Variants in NLGN4X observed in about 807,000 individuals in gnomAD.
The protein encoded by NLGN4X is neuroligin-4, X-linked.
A neutral mutation model predicts 40.3 loss-of-function variants in NLGN4X; 3 were observed. That is an observed-to-expected ratio of 0.07 (90% CI 0.03 to 0.19). The LOEUF is 0.19. Ranked by LOEUF, NLGN4X falls within the 10% of genes least tolerant of loss-of-function variation. The probability of loss-of-function intolerance (pLI) is 1.00; values close to 1 mark genes in which losing one functional copy is unlikely to be tolerated. For synonymous variants in NLGN4X, 270 were observed against 306.8 expected (o/e 0.88, Z 1.25); for missense variants, 382 against 708.3 (o/e 0.54, Z 5.23).
intron 3 of NLGN4X, among the ~76,000 whole-genome samples, chrX:5,952,307 C>T (rs1014880817): frequency 3.6e-5 from 4 of 111,902 alleles, no homozygotes; most frequent in African/African-American, 9.7e-5. Flanking sequence ...TATTTCCAAA[C>T]GGGATAAACA....
intron 5 of NLGN4X, among the ~76,000 whole-genome samples, chrX:5,901,364 T>C (rs1204522153): frequency 8.9e-6 from 1 of 111,941 alleles, no homozygotes; most frequent in Non-Finnish European, 1.9e-5. Flanking sequence ...CAGGCACATC[T>C]TTCTCTCTCA....
chrX:6,222,390 GC>G (rs1318691016), intron 1 of NLGN4X, among the ~76,000 whole-genome samples: 1 of 111,427 alleles, frequency 9.0e-6, no homozygotes, highest in East Asian at 2.8e-4. Flanking sequence ...CCTGTTGTAA[GC>G]CAAAAATAGC....
chrX:6,135,052 C>T (rs2039782192), intron 2 of NLGN4X, among the ~76,000 whole-genome samples: 1 of 112,372 alleles, frequency 8.9e-6, no homozygotes, highest in African/African-American at 3.2e-5. Flanking sequence ...TCAGTTAGAA[C>T]TCTTAAAAGA....
chrX:6,116,382 C>CCTTT (rs1569246584), intron 2 of NLGN4X, among the ~76,000 whole-genome samples: 64 of 75,315 alleles, frequency 8.5e-4, no homozygotes, highest in South Asian at 1.5e-3. Flanking sequence ...AGGTATTGAA[C>CCTTT]CTTTCTTTCT....
intron 2 of NLGN4X, among the ~76,000 whole-genome samples, chrX:6,074,999 TA>T (rs1160700406): frequency 5.4e-5 from 6 of 111,268 alleles, no homozygotes; most frequent in Non-Finnish European, 1.1e-4. Flanking sequence ...GAAAGATGAC[TA>T]GGGAAAAAAG....
intron 2 of NLGN4X, among the ~76,000 whole-genome samples, chrX:6,080,456 G>A (rs928707167): frequency 7.2e-5 from 8 of 111,557 alleles, no homozygotes; most frequent in Non-Finnish European, 7.5e-5. Context: ...AGAGTTTGGG[G>A]GTCCCCTGGG....
chrX:6,011,523 A>G (rs1048302266), intron 3 of NLGN4X, among the ~76,000 whole-genome samples: 1 of 110,965 alleles, frequency 9.0e-6, no homozygotes, highest in African/African-American at 3.3e-5. Flanking sequence ...TGGAGATGCA[A>G]TAAGATGATA....
At position 5,925,156 on chromosome X, in the gene NLGN4X, C is replaced by G. The variant is rs2033223622; in HGVS notation, c.626-15917G>C. On this transcript the variant is annotated intron_variant, in intron 3 of 5. Coordinates refer to ENST00000381095, the MANE Select transcript of NLGN4X (RefSeq NM_181332.3). ...TTGGTGAAAATATATTCTTTCTACA[C>G]TCATCAACCACACTAAACACTTAGT... Among the ~76,000 whole-genome samples the G allele has an allele frequency of 2.7e-5, 3 of 111,912 alleles. No homozygotes were observed. In the South Asian group the frequency reaches 1.1e-3, roughly 42 times the overall value.
At chrX:6,141,071 T>C (rs2039939189) in intron 2 of NLGN4X, among the ~76,000 whole-genome samples, 1 of 111,805 alleles carries the variant, frequency 8.9e-6, no homozygotes, top group African/African-American at 3.2e-5. Context: ...AGCTCTGATT[T>C]ATTTACTGAG....
At chrX:6,050,223 T>C (rs2037447006) in intron 2 of NLGN4X, among the ~76,000 whole-genome samples, 2 of 111,842 alleles carry the variant, frequency 1.8e-5, no homozygotes, top group South Asian at 7.5e-4. Context: ...ATTCCTGCTG[T>C]GAAAATGTTA....
intron 2 of NLGN4X, among the ~76,000 whole-genome samples, chrX:6,056,011 T>C (rs1416153711): frequency 2.7e-5 from 3 of 112,509 alleles, no homozygotes; most frequent in African/African-American, 9.7e-5. Flanking sequence ...ATATCATGCA[T>C]GAATGATACA....
intron 1 of NLGN4X, among the ~76,000 whole-genome samples, chrX:6,174,863 T>C (rs1363686674): frequency 1.8e-5 from 2 of 110,949 alleles, no homozygotes; most frequent in Non-Finnish European, 3.8e-5. Context: ...TTGGGATCAA[T>C]TGTACCCTAT....
chrX:5,960,074 T>C (rs1490665016), intron 3 of NLGN4X, among the ~76,000 whole-genome samples: 1 of 111,568 alleles, frequency 9.0e-6, no homozygotes, highest in Non-Finnish European at 1.9e-5. Flanking sequence ...AAGAGGGTTT[T>C]ACACTGCAGT....
intron 1 of NLGN4X, among the ~76,000 whole-genome samples, chrX:6,214,148 C>A (rs1179320042): frequency 8.9e-6 from 1 of 111,847 alleles, no homozygotes; most frequent in Non-Finnish European, 1.9e-5. Context: ...AAAACAGTTA[C>A]CCCAAAATAT....
intron 3 of NLGN4X, among the ~76,000 whole-genome samples, chrX:5,936,818 T>A (rs917005190): frequency 8.9e-6 from 1 of 112,114 alleles, no homozygotes; most frequent in Non-Finnish European, 1.9e-5. Flanking sequence ...ATTTGTTAAA[T>A]CACGAGTGGC....
At chrX:6,204,773 A>G (rs776756597) in intron 1 of NLGN4X, among the ~76,000 whole-genome samples, 106 of 111,857 alleles carry the variant, frequency 9.5e-4, no homozygotes, top group Non-Finnish European at 1.9e-3. Flanking sequence ...GGACACTCTG[A>G]TGCTTATGTT....
intron 3 of NLGN4X, among the ~76,000 whole-genome samples, chrX:5,979,385 A>G (rs1203747423): frequency 9.0e-6 from 1 of 110,535 alleles, no homozygotes; most frequent in Non-Finnish European, 1.9e-5. Context: ...GCTGAACCAC[A>G]TGGTACTTGT....
intron 2 of NLGN4X, among the ~76,000 whole-genome samples, chrX:6,129,325 C>T (rs928195380): frequency 1.8e-5 from 2 of 111,570 alleles, no homozygotes. Flanking sequence ...GTACTACTAG[C>T]CATGCACAGA....
intron 2 of NLGN4X, among the ~76,000 whole-genome samples, chrX:6,037,338 A>T (rs374472494): frequency 1.5e-4 from 17 of 110,743 alleles, no homozygotes; most frequent in African/African-American, 5.2e-4. Flanking sequence ...AAAAAAATTA[A>T]AAAAAATTGG....
Sources: gnomAD v4.1 joint callset for allele counts (sites outside exome capture counted in the v4.1 genomes callset) on GRCh38, gnomAD v4.1.1 for gene constraint, MANE v1.5 for transcripts, NCBI Gene and HGNC (gene_info 2026-07-23, HGNC 2026-07-21) for gene names.